Variants in PKN2 observed in about 807,000 individuals in gnomAD.
PKN2 encodes the protein protein kinase N2, also known as serine/threonine-protein kinase N2.
In PKN2, 38 loss-of-function variants were observed where a neutral mutation model predicts 119.1. That is an observed-to-expected ratio of 0.32 (90% confidence interval 0.25 to 0.42). The LOEUF (loss-of-function observed/expected upper bound fraction) is 0.42. PKN2 is among the 10% of genes least tolerant of loss of function. PKN2 has a pLI of 1.00. For synonymous variants in PKN2, 390 were observed against 384.9 expected (o/e 1.01, Z -0.15); for missense variants, 850 against 1,165.1 (o/e 0.73, Z 3.94).
intron 2 of PKN2, among the ~76,000 whole-genome samples, chr1:88,759,038 C>T (rs943971060): frequency 3.9e-5 from 6 of 152,204 alleles, no homozygotes; most frequent in South Asian, 2.1e-4. Flanking sequence ...CCTGCATTCT[C>T]GCTAGCCTCT....
At chr1:88,725,565 G>A (rs1224514115) in intron 1 of PKN2, among the ~76,000 whole-genome samples, 1 of 152,118 alleles carries the variant, frequency 6.6e-6, no homozygotes, top group African/African-American at 2.4e-5. Flanking sequence ...TGAAGTATCT[G>A]TTCAAGCCTA....
rs368643241 is a variant in PKN2, at chr1:88,741,158, A to G, written c.219A>G (p.Thr73=). 44 of 1,612,144 alleles carry G rather than the reference A, an allele frequency of 2.7e-5. No homozygotes were observed. The East Asian group carries it at 8.3e-4, about 30-fold the overall frequency. ...GAGCTGAAAATCTGAGGAAAGTCAC[A>G]ACAGATAAAAAAAGTTTGGCTTATG... ...KEGAENLRKV[T]TDKKSLAYVD... is the part of the protein sequence containing the mutation. Residue 73 remains threonine (T), a synonymous_variant, in exon 2 of 22, where the codon ACA becomes ACG. Coordinates refer to ENST00000370521, the MANE Select transcript of PKN2 (RefSeq NM_006256.4).
intron 1 of PKN2, among the ~76,000 whole-genome samples, chr1:88,734,191 A>T (rs1015836379): frequency 9.2e-5 from 14 of 151,602 alleles, no homozygotes; most frequent in Admixed American, 1.3e-4. Flanking sequence ...GGAGCGTTTT[A>T]GAGTTTTGGA....
At chr1:88,725,432 T>G (rs559809199) in intron 1 of PKN2, among the ~76,000 whole-genome samples, 1 of 152,342 alleles carries the variant, frequency 6.6e-6, no homozygotes, top group East Asian at 1.9e-4. Flanking sequence ...CAGTATTTCT[T>G]TAGCCATTTA....
At chr1:88,811,882 C>G (rs1346137293) in intron 15 of PKN2, among the ~76,000 whole-genome samples, 1 of 152,116 alleles carries the variant, frequency 6.6e-6, no homozygotes, top group East Asian at 1.9e-4. Context: ...TTATTTGATT[C>G]CTGTCATCAT....
intron 15 of PKN2, among the ~76,000 whole-genome samples, chr1:88,811,052 A>T (rs1671764721): frequency 6.6e-6 from 1 of 152,234 alleles, no homozygotes; most frequent in Non-Finnish European, 1.5e-5. Flanking sequence ...CAAATTATGG[A>T]TTCTAAAATA....
intron 2 of PKN2, among the ~76,000 whole-genome samples, chr1:88,748,841 G>A (rs1324254118): frequency 6.6e-6 from 1 of 152,084 alleles, no homozygotes; most frequent in East Asian, 1.9e-4. Flanking sequence ...AGGCTGAGGT[G>A]GGAGTATTAC....
At position 88,833,584 on chromosome 1, in the gene PKN2, T is replaced by G. The variant is rs1672820305; in HGVS notation, c.*136T>G. Reference sequence around the variant, plus strand: ...GTTTTTATTGAAACACGTGAAGATTTGTTTAAAAGTACCATTCTAATACTT... The same window carrying G: ...GTTTTTATTGAAACACGTGAAGATTGGTTTAAAAGTACCATTCTAATACTT... On this transcript the variant is annotated 3_prime_UTR_variant, in exon 22 of 22. Coordinates refer to ENST00000370521, the MANE Select transcript of PKN2 (RefSeq NM_006256.4). The G allele has an allele frequency of 3.0e-6, 2 of 660,958 alleles. No individual in the cohort carries two copies. The highest frequency in any genetic ancestry group is 5.2e-6 in the Non-Finnish European group (2 of 382,710). The allele number at this position is 660,958 out of a possible 1,614,324, so 40.9% of individuals were successfully genotyped here.
At chr1:88,817,897 A>G (rs993027530) in intron 16 of PKN2, among the ~76,000 whole-genome samples, 1 of 152,188 alleles carries the variant, frequency 6.6e-6, no homozygotes, top group African/African-American at 2.4e-5. Context: ...AGAAAGAAAG[A>G]AAGTTTATTA....
At chr1:88,771,959 T>C (rs1391122239) in intron 6 of PKN2, 80 bp downstream of exon 6, 1 of 880,994 alleles carries the variant, frequency 1.1e-6, no homozygotes, top group Non-Finnish European at 1.8e-6. Context: ...AAGAAAAACC[T>C]GTGCATAGAT....
chr1:88,687,090 T>G (rs1167457970), intron 1 of PKN2, among the ~76,000 whole-genome samples: 1 of 152,112 alleles, frequency 6.6e-6, no homozygotes, highest in African/African-American at 2.4e-5. Context: ...CTTTTCATTA[T>G]TTTTTCAAAT....
At chr1:88,797,826 CA>C (rs1282440017) in intron 8 of PKN2, among the ~76,000 whole-genome samples, 1 of 151,154 alleles carries the variant, frequency 6.6e-6, no homozygotes, top group African/African-American at 2.4e-5. Flanking sequence ...CTCCATTTAG[CA>C]CTGTGAGAAA....
intron 2 of PKN2, among the ~76,000 whole-genome samples, chr1:88,747,063 G>A (rs7541918): frequency 0.068 from 10,288 of 152,120 alleles, 711 homozygotes; most frequent in African/African-American, 0.18. Flanking sequence ...ATTCATTGAC[G>A]TAGAAGAGAA....
intron 6 of PKN2, among the ~76,000 whole-genome samples, chr1:88,776,466 A>T (rs990998379): frequency 3.3e-5 from 5 of 151,530 alleles, no homozygotes; most frequent in Admixed American, 3.3e-4. Flanking sequence ...CCAACTAGGC[A>T]CAGTGGCTCA....
chr1:88,733,729 T>C (rs766003581), intron 1 of PKN2, among the ~76,000 whole-genome samples: 2 of 152,248 alleles, frequency 1.3e-5, no homozygotes, highest in Non-Finnish European at 2.9e-5. Context: ...GTATCTGAAA[T>C]GCTTACAACC....
chr1:88,789,449 G>A (rs1380474713), intron 8 of PKN2, among the ~76,000 whole-genome samples: 2 of 152,030 alleles, frequency 1.3e-5, no homozygotes, highest in East Asian at 3.9e-4. Flanking sequence ...GATCTCCTGA[G>A]TTCAGGAGTT....
intron 1 of PKN2, among the ~76,000 whole-genome samples, chr1:88,689,355 A>G (rs989435896): frequency 5.9e-5 from 9 of 152,208 alleles, no homozygotes; most frequent in Non-Finnish European, 1.0e-4. Flanking sequence ...TTTACTTACT[A>G]GAATTTTGAA....
chr1:88,817,014 A>G (rs751034896), intron 16 of PKN2: 7 of 152,200 alleles, frequency 4.6e-5, no homozygotes, highest in Non-Finnish European at 1.0e-4. Context: ...ATTCCAAACA[A>G]TAGAAAAAGA....
intron 6 of PKN2, among the ~76,000 whole-genome samples, chr1:88,772,080 C>G (rs993327240): frequency 6.6e-6 from 1 of 152,108 alleles, no homozygotes; most frequent in Admixed American, 6.6e-5. Context: ...TGACCATCAC[C>G]ACTACCTAGT....
Sources: gnomAD v4.1 joint callset for allele counts (sites outside exome capture counted in the v4.1 genomes callset) on GRCh38, gnomAD v4.1.1 for gene constraint, MANE v1.5 for transcripts, NCBI Gene and HGNC (gene_info 2026-07-23, HGNC 2026-07-21) for gene names.